Variants in LMOD1 observed in about 807,000 individuals in gnomAD.
LMOD1 encodes leiomodin-1.
A neutral mutation model predicts 36.5 loss-of-function variants in LMOD1; 8 were observed. The ratio of observed to expected loss-of-function variants is 0.22; its 90% confidence interval spans 0.13 to 0.40. The LOEUF (loss-of-function observed/expected upper bound fraction) is 0.40, where lower values mean the gene tolerates loss of function less well. Among genes scored for constraint, LMOD1 ranks in the 10% least tolerant of loss-of-function variants. The pLI, the probability that LMOD1 is intolerant of heterozygous loss-of-function variation, is 1.00. For synonymous variants in LMOD1, 284 were observed against 288.7 expected, an observed-to-expected ratio of 0.98 and a Z score of 0.17; for missense variants, 630 against 751.1, an observed-to-expected ratio of 0.84 and a Z score of 1.88.
intron 1 of LMOD1, among the ~76,000 whole-genome samples, chr1:201,918,367 T>C (rs1681644001): frequency 6.6e-6 from 1 of 152,146 alleles, no homozygotes; most frequent in South Asian, 2.1e-4. Flanking sequence ...GTGCACTCTG[T>C]CTCCAGAAAG....
In LMOD1 at chr1:201,899,121, C is replaced by T; in HGVS notation, c.1776+116G>A. ...GAAGTCCCCTATGGGCCCTGGGAGT[C>T]TATATCATCTGCAGCCGACATAAGC... On this transcript the variant is annotated intron_variant, in intron 2 of 2. Transcript: ENST00000367288. This position sits in a 1 kb window ranked among gnomAD's most constrained non-coding sequence, Gnocchi z 6.3. 1 of 947,684 alleles carries T rather than the reference C, an allele frequency of 1.1e-6. No homozygotes were observed. Among genetic ancestry groups the T allele is most frequent in the Non-Finnish European group, 1.5e-6 (1 of 651,236 alleles). 58.7% of individuals were successfully genotyped at this position (947,684 alleles called of 1,614,324 possible). A position where few individuals can be genotyped will look rare whatever the true frequency, so the allele number is the denominator to read the frequency against.
intron 1 of LMOD1, among the ~76,000 whole-genome samples, chr1:201,916,880 C>T (rs912053412): frequency 1.7e-4 from 26 of 152,172 alleles, no homozygotes; most frequent in Admixed American, 1.5e-3. Flanking sequence ...ACAGAAACGC[C>T]ATGATTCATT....
At chr1:201,939,208 G>C (rs995472461) in intron 1 of LMOD1, among the ~76,000 whole-genome samples, 1 of 151,542 alleles carries the variant, frequency 6.6e-6, no homozygotes, top group Admixed American at 6.6e-5. Flanking sequence ...TACAAACTCT[G>C]AAGAGTTTAG....
At position 201,900,050 on chromosome 1, in the gene LMOD1, AGGC is replaced by A; in HGVS notation, c.960_962del (p.Glu320_Pro321delinsAsp). 6.2e-7 allele frequency: 1 copy of A among 1,613,732 alleles called. No individual in the cohort carries two copies. Among genetic ancestry groups the A allele is most frequent in the Non-Finnish European group, 8.5e-7 (1 of 1,179,848 alleles). On this transcript the variant is annotated inframe_deletion, in exon 2 of 3. Transcript: ENST00000367288. The stretch of plus-strand genomic sequence containing the variant: ...GGTCATTGTTCTTCACTCTCTCCAG[AGGC>A]TCATCAAATATGCTGGGAGCTGCCT...
rs115104983 is a variant in LMOD1 at position 201,943,776 on chromosome 1, C to T, written c.261+2304G>A. The stretch of plus-strand genomic sequence containing the variant: ...TGTGCTAAGTGCTCTACCGCAGCAC[C>T]GCTTTTAGTGTTCACAACCCTGTGA... On this transcript the variant is annotated intron_variant, in intron 1 of 2. Transcript: ENST00000367288. Among the ~76,000 whole-genome samples the T allele has an allele frequency of 3.9e-3, 599 of 152,256 alleles. 5 individuals carry two copies. Among genetic ancestry groups the T allele is most frequent in the African/African-American group, 0.014 (580 of 41,532 alleles).
At chr1:201,932,416 A>G (rs932858694) in intron 1 of LMOD1, among the ~76,000 whole-genome samples, 1 of 152,026 alleles carries the variant, frequency 6.6e-6, no homozygotes, top group East Asian at 1.9e-4. Context: ...AACACGCTGA[A>G]AAGGTTATAC....
At chr1:201,937,759 C>T (rs1046225887) in intron 1 of LMOD1, among the ~76,000 whole-genome samples, 2 of 152,140 alleles carry the variant, frequency 1.3e-5, no homozygotes, top group Non-Finnish European at 1.5e-5. Context: ...GAGTGAGATC[C>T]TGTCTCAAAA....
At chr1:201,905,866 C>G (rs1474587518) in intron 1 of LMOD1, among the ~76,000 whole-genome samples, 1 of 152,226 alleles carries the variant, frequency 6.6e-6, no homozygotes, top group Non-Finnish European at 1.5e-5. Context: ...GCAGGGCTGA[C>G]TAGCATTGAC....
At chr1:201,913,466 G>A (rs1340576699) in intron 1 of LMOD1, among the ~76,000 whole-genome samples, 2 of 152,190 alleles carry the variant, frequency 1.3e-5, no homozygotes, top group African/African-American at 4.8e-5. Context: ...AATTAGCCGG[G>A]CATGGTGGTC....
intron 1 of LMOD1, among the ~76,000 whole-genome samples, chr1:201,925,412 C>T (rs749917011): frequency 1.3e-5 from 2 of 152,088 alleles, no homozygotes; most frequent in Non-Finnish European, 1.5e-5. Context: ...GCTTTTATTG[C>T]GCATGGATGA....
intron 1 of LMOD1, among the ~76,000 whole-genome samples, chr1:201,909,653 A>T (rs575583127): frequency 1.8e-4 from 28 of 152,214 alleles, no homozygotes; most frequent in Non-Finnish European, 4.1e-4. Context: ...TCTTTAGTCC[A>T]GGGAGTACCC....
At chr1:201,902,689 C>A (rs1184880091) in intron 1 of LMOD1, among the ~76,000 whole-genome samples, 1 of 152,052 alleles carries the variant, frequency 6.6e-6, no homozygotes. Context: ...TCATGATCCA[C>A]CCACCTCGGC....
rs1571573024 is a variant in LMOD1 at position 201,900,381 on chromosome 1, A to G, written c.632T>C (p.Met211Thr). The G allele has an allele frequency of 1.9e-6, 3 of 1,549,380 alleles. No individual in the cohort carries two copies. Among genetic ancestry groups the G allele is most frequent in the Non-Finnish European group, 2.6e-6 (3 of 1,148,262 alleles). The part of the protein sequence containing the change: ...SRDKDKKREE[M>T]KEVAKKEDDE... ...ATCCTCTTTCTTGGCCACCTCCTTC[A>G]TCTCCTCTCTCTTTTTATCCTTGTC... Residue 211 changes from methionine (M) to threonine (T), a missense_variant, in exon 2 of 3, where the codon ATG (methionine) becomes ACG (threonine). Coordinates refer to ENST00000367288, the MANE Select transcript of LMOD1 (RefSeq NM_012134.3).
intron 1 of LMOD1, among the ~76,000 whole-genome samples, chr1:201,906,052 A>G (rs937022128): frequency 6.6e-6 from 1 of 152,182 alleles, no homozygotes; most frequent in Non-Finnish European, 1.5e-5. Context: ...GAATGCCCCT[A>G]GCTCGAGCTC....
intron 1 of LMOD1, among the ~76,000 whole-genome samples, chr1:201,933,530 TCTATATATATAATAC>T (rs201489958): frequency 0.099 from 12,098 of 122,078 alleles, 729 homozygotes; most frequent in East Asian, 0.21. Context: ...TCTCTCTCTC[TCTATATATATAATAC>T]ATATATATAT....
At chr1:201,944,441 G>A (rs925277696) in intron 1 of LMOD1, among the ~76,000 whole-genome samples, 2 of 152,206 alleles carry the variant, frequency 1.3e-5, no homozygotes, top group Non-Finnish European at 2.9e-5. Context: ...CAGAGCCTGC[G>A]ACTGGGAGTG....
At chr1:201,933,534 T>C (rs1681962329) in intron 1 of LMOD1, among the ~76,000 whole-genome samples, 1 of 110,138 alleles carries the variant, frequency 9.1e-6, no homozygotes, top group Non-Finnish European at 1.9e-5. Context: ...TCTCTCTCTA[T>C]ATATATAATA....
intron 1 of LMOD1, among the ~76,000 whole-genome samples, chr1:201,912,585 G>A (rs941624822): frequency 1.3e-5 from 2 of 152,222 alleles, no homozygotes; most frequent in African/African-American, 2.4e-5. Context: ...TCAGCCAGGT[G>A]CGGTGGCTCA....
At chr1:201,916,045 G>A (rs1256128110) in intron 1 of LMOD1, among the ~76,000 whole-genome samples, 1 of 151,870 alleles carries the variant, frequency 6.6e-6, no homozygotes, top group Non-Finnish European at 1.5e-5. Flanking sequence ...AGCCTCCTAG[G>A]TAGCTGCTAC....
Sources: gnomAD v4.1 joint callset for allele counts (sites outside exome capture counted in the v4.1 genomes callset) on GRCh38, gnomAD v4.1.1 for gene constraint, Gnocchi (gnomAD v3.1) non-coding constraint, MANE v1.5 for transcripts, NCBI Gene and HGNC (gene_info 2026-07-23, HGNC 2026-07-21) for gene names.